The following DNAH1 variants were observed in gnomAD, a reference collection of about 807,000 sequenced individuals.
DNAH1 encodes axonemal beta dynein heavy chain 1.
Under a neutral mutation model 484.3 loss-of-function variants are expected in DNAH1, and 327 were observed. The observed-to-expected ratio is 0.68, with a 90% CI of 0.62 to 0.74. The LOEUF (loss-of-function observed/expected upper bound fraction) is 0.74, where lower values mean the gene tolerates loss of function less well. Among genes scored for constraint, DNAH1 ranks in the 30% least tolerant of loss-of-function variants. DNAH1 has a pLI of 0.00. For synonymous variants in DNAH1, 2,192 were observed against 2,191.9 expected (o/e 1.00, Z 0.00); for missense variants, 5,052 against 5,546.8 (o/e 0.91, Z 2.83).
chr3:52,321,360 C>T (rs1701140130), intron 1 of DNAH1, among the ~76,000 whole-genome samples: 2 of 152,334 alleles, frequency 1.3e-5, no homozygotes, highest in South Asian at 4.1e-4. Context: ...AGGTGATCCA[C>T]CCGCCTCGGC....
At chr3:52,399,519 T>TG (rs768917655) in intron 76 of DNAH1, 26 bp from the exon 77 acceptor site, 1 of 1,573,354 alleles carries the variant, frequency 6.4e-7, no homozygotes, top group Non-Finnish European at 8.7e-7. Flanking sequence ...GTTATGTGTG[T>TG]GGGGTGTGTC....
In DNAH1 at chr3:52,364,626, G is replaced by T. The variant is rs376133324; in HGVS notation, c.5245-12G>T. 43 of 1,613,820 alleles carry T rather than the reference G, an allele frequency of 2.7e-5. No homozygotes were observed. Among genetic ancestry groups the T allele is most frequent in the Non-Finnish European group, 3.5e-5 (41 of 1,179,874 alleles). On this transcript the variant is annotated splice_polypyrimidine_tract_variant and intron_variant, in intron 32 of 77. Coordinates refer to ENST00000420323, the MANE Select transcript of DNAH1 (RefSeq NM_015512.5). This position sits in a 1 kb window ranked among gnomAD's most constrained non-coding sequence, Gnocchi z 4.2. Reference sequence around the variant, plus strand: ...ACAGTGCTCACCCATGCCTCCTTCTGTATGGCGACAGGATCACTATGACTT... The same window carrying T: ...ACAGTGCTCACCCATGCCTCCTTCTTTATGGCGACAGGATCACTATGACTT...
At position 52,386,796 on chromosome 3, in the gene DNAH1, C is replaced by G; in HGVS notation, c.8946C>G (p.Gly2982=). Residue 2982 remains glycine, a synonymous_variant, in exon 56 of 78, where the codon GGC becomes GGG. Transcript: ENST00000420323. ...GTKVDDYWEP[G]KGLLQDPGHF... ...AGGTGGATGACTACTGGGAGCCTGG[C>G]AAGGGGCTGCTGCAGGACCCGGGCC... is the stretch of plus-strand genomic sequence containing the variant. 1 of 1,592,638 alleles carries G rather than the reference C, an allele frequency of 6.3e-7. No homozygotes were observed. The highest frequency in any genetic ancestry group is 8.5e-7 in the Non-Finnish European group (1 of 1,169,960).
At chr3:52,325,839 C>G (rs974889160) in intron 3 of DNAH1, among the ~76,000 whole-genome samples, 1 of 152,206 alleles carries the variant, frequency 6.6e-6, no homozygotes, top group African/African-American at 2.4e-5. Flanking sequence ...CAACACCTGG[C>G]TTGAGCAATG....
chr3:52,398,459 T>G, intron 75 of DNAH1, among the ~76,000 whole-genome samples: 1 of 152,120 alleles, frequency 6.6e-6, no homozygotes, highest in East Asian at 1.9e-4. Flanking sequence ...CCAGCTAATT[T>G]TTGTATTTTT....
rs554428714 is a variant in DNAH1, at chr3:52,370,947, G to A, written c.6525+122G>A. 116 of 906,478 alleles carry A rather than the reference G, an allele frequency of 1.3e-4. 1 individual carries two copies. In the Middle Eastern group the frequency reaches 1.4e-3, roughly 11 times the overall value. The allele number at this position is 906,478 out of a possible 1,614,324, so 56.2% of individuals were successfully genotyped here. A position where few individuals can be genotyped will look rare whatever the true frequency, so the allele number is the denominator to read the frequency against. On this transcript the variant is annotated intron_variant, in intron 41 of 77. Coordinates refer to ENST00000420323, the MANE Select transcript of DNAH1 (RefSeq NM_015512.5). ...TGATGGCCACCAGGTCTCAGGCAGC[G>A]GTTATTTGCATCATCTCATGAATCC...
chr3:52,346,301 A>C (rs977396246), intron 10 of DNAH1, among the ~76,000 whole-genome samples, 171 bp from the exon 11 acceptor site: 1 of 152,054 alleles, frequency 6.6e-6, no homozygotes, highest in Admixed American at 6.5e-5. Flanking sequence ...CCAGGGTCAC[A>C]TGAGGCTGTT....
intron 8 of DNAH1, among the ~76,000 whole-genome samples, chr3:52,335,745 C>T (rs1701721354): frequency 6.6e-6 from 1 of 151,968 alleles, no homozygotes; most frequent in Admixed American, 6.6e-5. Flanking sequence ...AGTGATTCTC[C>T]TGCCTCAGCC....
chr3:52,348,002 A>G, intron 12 of DNAH1, 28 bp downstream of exon 12: 1 of 1,586,248 alleles, frequency 6.3e-7, no homozygotes, highest in Non-Finnish European at 8.6e-7. Context: ...AGCAGGCCCC[A>G]GGCACCTGCT....
At chr3:52,318,693 G>A (rs546062912) in intron 1 of DNAH1, among the ~76,000 whole-genome samples, 1 of 152,356 alleles carries the variant, frequency 6.6e-6, no homozygotes, top group Non-Finnish European at 1.5e-5. Flanking sequence ...TGTAATACAG[G>A]GAGAGGTACA....
At chr3:52,328,066 C>A in intron 6 of DNAH1, 52 bp downstream of exon 6, 1 of 1,593,574 alleles carries the variant, frequency 6.3e-7, no homozygotes, top group Non-Finnish European at 8.6e-7. Flanking sequence ...AGTAGCAGCC[C>A]TGTCACAGAC....
Position 52,349,394 on chromosome 3 carries a change from A to G in DNAH1, c.2500A>G (p.Lys834Glu). 1 of 1,613,914 alleles carries G rather than the reference A, an allele frequency of 6.2e-7. No individual in the cohort carries two copies. Among genetic ancestry groups the G allele is most frequent in the South Asian group, 1.1e-5 (1 of 91,076 alleles). The change falls in exon 14 of 78, where the codon AAG becomes GAG. Residue 834 changes from lysine (K) to glutamate (E), a missense_variant. Coordinates refer to ENST00000420323, the MANE Select transcript of DNAH1 (RefSeq NM_015512.5). ...CACTTCCGTGCTGGACATCCTTGCC[A>G]AGAACCTGCATAAGGAGGTGGATAG... ...LATSVLDILAKNLHKEVDSIC... is the reference protein window; with the variant it reads ...LATSVLDILAENLHKEVDSIC...
rs758179062 is a variant in DNAH1, at chr3:52,355,780, C to T, written c.3693+725C>T. On this transcript the variant is annotated intron_variant, in intron 21 of 77. Transcript: ENST00000420323. This position sits in a 1 kb window ranked among gnomAD's most constrained non-coding sequence, Gnocchi z 4.5. ...TCCACTCGACCTGGAGTTTGACACC[C>T]GCCTTCCATCTCCTCCAAGGCCCAG... Among the ~76,000 whole-genome samples the T allele has an allele frequency of 5.3e-5, 8 of 152,376 alleles. No individual in the cohort carries two copies. The highest frequency in any genetic ancestry group is 1.9e-4 in the African/African-American group (8 of 41,586).
intron 26 of DNAH1, among the ~76,000 whole-genome samples, 182 bp from the exon 27 acceptor site, chr3:52,359,734 G>A (rs1000016059): frequency 2.0e-5 from 3 of 152,230 alleles, no homozygotes; most frequent in East Asian, 3.8e-4. Flanking sequence ...CAGACGCCAG[G>A]CATGTGCCTC....
In DNAH1 at chr3:52,330,842, C is replaced by T. The variant is rs114058376; in HGVS notation, c.872-306C>T. 3.9e-3 allele frequency among the ~76,000 whole-genome samples: 601 copies of T among 152,336 alleles called. 6 individuals carry two copies. Among genetic ancestry groups the T allele is most frequent in the African/African-American group, 0.013 (560 of 41,584 alleles). ...CAGGTCTCCTTTAACTTGGGGCTTTCGTGCCACCTGTCCCAGCCTCCCATT... is the reference window on the plus strand; with the variant it reads ...CAGGTCTCCTTTAACTTGGGGCTTTTGTGCCACCTGTCCCAGCCTCCCATT... On this transcript the variant is annotated intron_variant, in intron 6 of 77. Transcript: ENST00000420323.
chr3:52,372,549 T>C (rs935573579), intron 43 of DNAH1, among the ~76,000 whole-genome samples, 162 bp downstream of exon 43: 1 of 152,184 alleles, frequency 6.6e-6, no homozygotes, highest in Admixed American at 6.5e-5. Context: ...CACAGACTGC[T>C]CCAGAGCCTT....
rs373703996 is a variant in DNAH1, at chr3:52,347,830, G to A, written c.1962G>A (p.Arg654=). 3.8e-6 allele frequency: 6 copies of A among 1,588,456 alleles called. No homozygotes were observed. In the Admixed American group the frequency reaches 5.3e-5, roughly 14 times the overall value. Residue 654 remains arginine (R), a synonymous_variant, in exon 12 of 78, where the codon CGG becomes CGA. Coordinates refer to ENST00000420323, the MANE Select transcript of DNAH1 (RefSeq NM_015512.5). ...AGCTCGCCATTGCCTGCAGGCCCCGGAAGAATCCCCTGTTCATCATGGACC... is the reference window on the plus strand; with the variant it reads ...AGCTCGCCATTGCCTGCAGGCCCCGAAAGAATCCCCTGTTCATCATGGACC... The part of the protein sequence containing the change: ...DDLINSPYRP[R]KNPLFIMDLV...
chr3:52,373,993 A>C, intron 44 of DNAH1: 1 of 1,107,726 alleles, frequency 9.0e-7, no homozygotes, highest in Middle Eastern at 2.1e-4. Context: ...TAAGATTTTT[A>C]GAGTCTGCAG....
Position 52,359,343 on chromosome 3 carries a change from C to T in DNAH1, c.4364C>T (p.Ala1455Val). Residue 1455 changes from alanine to valine, a missense_variant, in exon 26 of 78, where the codon GCC becomes GTC. Around this residue, in one of 4 missense-constraint regions of DNAH1, gnomAD observed 2,929 missense variants for 3,409.4 expected, o/e 0.86. Transcript: ENST00000420323. Reference protein sequence around the residue: ...WTMEVAEALEAGNLRSQLFPQ... With the variant: ...WTMEVAEALEVGNLRSQLFPQ... The stretch of plus-strand genomic sequence containing the variant: ...ATGGAGGTGGCAGAGGCTCTGGAGG[C>T]CGGCAACCTCAGAAGCCAACTGTTC... The T allele has an allele frequency of 1.9e-6, 3 of 1,570,250 alleles. No individual in the cohort carries two copies. The South Asian group carries it at 3.5e-5, about 18-fold the overall frequency.
Sources: allele counts gnomAD v4.1 joint callset (sites outside exome capture counted in the v4.1 genomes callset), GRCh38; gene constraint gnomAD v4.1.1; regional missense constraint gnomAD v4.1.1; non-coding constraint Gnocchi (gnomAD v3.1); transcripts MANE v1.5; gene names NCBI Gene and HGNC (gene_info 2026-07-23, HGNC 2026-07-21).